The following GRIN2B variants were observed in gnomAD, a reference collection of about 807,000 sequenced individuals.
The protein encoded by GRIN2B is glutamate receptor ionotropic, NMDA 2B.
In GRIN2B, 5 loss-of-function variants were observed where a neutral mutation model predicts 114.5. The observed-to-expected ratio is 0.04, with a 90% CI of 0.02 to 0.09. The LOEUF is 0.09. GRIN2B is among the 10% of genes least tolerant of loss of function. The pLI is 1.00. For missense variants in GRIN2B, 1,108 were observed against 1,943.5 expected (o/e 0.57, Z 8.08); for synonymous variants, 787 against 745.1 (o/e 1.06, Z -0.92).
chr12:13,637,171 C>T (rs1213852479), intron 5 of GRIN2B, among the ~76,000 whole-genome samples: 1 of 152,132 alleles, frequency 6.6e-6, no homozygotes. Flanking sequence ...ATTTTATAAT[C>T]TTGTACTCAT....
chr12:13,743,369 A>G (rs910925746), intron 4 of GRIN2B, among the ~76,000 whole-genome samples: 3 of 152,136 alleles, frequency 2.0e-5, no homozygotes, highest in African/African-American at 4.8e-5. Flanking sequence ...AACACATGTG[A>G]GCACGTGTGA....
At chr12:13,608,250 G>A (rs749201922) in intron 10 of GRIN2B, among the ~76,000 whole-genome samples, 23 of 152,164 alleles carry the variant, frequency 1.5e-4, no homozygotes, top group Non-Finnish European at 3.4e-4. Context: ...CTCGGTGTGG[G>A]TACACGGCGG....
intron 2 of GRIN2B, among the ~76,000 whole-genome samples, chr12:13,939,279 G>A (rs1867189464): frequency 6.6e-6 from 1 of 152,162 alleles, no homozygotes; most frequent in Admixed American, 6.6e-5. Flanking sequence ...GATCCCCAGT[G>A]TTGGAGGTGG....
chr12:13,591,880 C>T (rs897405175), intron 10 of GRIN2B, among the ~76,000 whole-genome samples: 1 of 152,144 alleles, frequency 6.6e-6, no homozygotes, highest in Admixed American at 6.6e-5. Context: ...CAGAAATATG[C>T]TGCCCCCAAG....
Position 13,608,621 on chromosome 12 carries a change from A to G in GRIN2B, c.1992T>C (p.Ser664=). The change falls in exon 10 of 14, where the codon TCT becomes TCC. Residue 664 remains serine (S), a synonymous_variant. Transcript: ENST00000609686. ...CTCTTACCTTTTTGTCGCTCAGGCC[A>G]GAAACCTGGTCCACATATTCCTCTT... ...MIQEEYVDQV[S]GLSDKKFQRP... is the part of the protein sequence containing the mutation. 6.2e-7 allele frequency: 1 copy of G among 1,613,726 alleles called. No individual in the cohort carries two copies. Among genetic ancestry groups the G allele is most frequent in the Non-Finnish European group, 8.5e-7 (1 of 1,179,588 alleles).
intron 4 of GRIN2B, among the ~76,000 whole-genome samples, chr12:13,707,591 A>T (rs1004677251): frequency 3.9e-5 from 6 of 152,138 alleles, no homozygotes; most frequent in African/African-American, 1.4e-4. Context: ...CAACTAAATC[A>T]GGGAAATCAA....
In GRIN2B at chr12:13,909,644, A is replaced by G. The variant is rs142438626; in HGVS notation, c.-18-43418T>C. On this transcript the variant is annotated intron_variant, in intron 2 of 13. Transcript: ENST00000609686. ...CCAGCGGCCTGACGGCTGACACTTC[A>G]CTTGTCCTTAAAATGGGACAAAGAC... is the stretch of plus-strand genomic sequence containing the variant. Among the ~76,000 whole-genome samples, 569 of 152,342 alleles carry G rather than the reference A, an allele frequency of 3.7e-3. 10 individuals carry two copies. Among genetic ancestry groups the G allele is most frequent in the East Asian group, 0.026 (137 of 5,186 alleles).
At position 13,562,476 on chromosome 12, in the gene GRIN2B, C is replaced by T. The variant is rs1948557584; in HGVS notation, c.*307G>A. The stretch of plus-strand genomic sequence containing the variant: ...AGCTCTTCCACACCAGGAGGAAGCC[C>T]GCATGCAGCCCTTCCTTTCTCCGCT... On this transcript the variant is annotated 3_prime_UTR_variant, in exon 14 of 14. Transcript: ENST00000609686. The T allele has an allele frequency of 8.0e-6, 3 of 373,892 alleles. No homozygotes were observed. The highest frequency in any genetic ancestry group is 4.9e-5 in the East Asian group (1 of 20,216). The allele number at this position is 373,892 out of a possible 1,614,324, so 23.2% of individuals were successfully genotyped here.
At chr12:13,725,918 C>T (rs1356294220) in intron 4 of GRIN2B, among the ~76,000 whole-genome samples, 1 of 152,022 alleles carries the variant, frequency 6.6e-6, no homozygotes, top group African/African-American at 2.4e-5. Flanking sequence ...CTGGAGATTT[C>T]ACCAGACTGG....
chr12:13,657,024 G>A (rs1035188759), intron 5 of GRIN2B, among the ~76,000 whole-genome samples: 1 of 152,174 alleles, frequency 6.6e-6, no homozygotes, highest in Non-Finnish European at 1.5e-5. Context: ...ATCGCACCAA[G>A]TCAAGTACAG....
At chr12:13,968,628 T>G (rs1180745167) in intron 2 of GRIN2B, among the ~76,000 whole-genome samples, 1 of 152,258 alleles carries the variant, frequency 6.6e-6, no homozygotes, top group African/African-American at 2.4e-5. Flanking sequence ...GGCACCAATA[T>G]ATATCCTCTT....
At chr12:13,602,225 C>G (rs1328169355) in intron 10 of GRIN2B, among the ~76,000 whole-genome samples, 2 of 152,106 alleles carry the variant, frequency 1.3e-5, no homozygotes, top group African/African-American at 4.8e-5. Flanking sequence ...TGATCAGTAG[C>G]TCCAAGAAGA....
chr12:13,966,498 T>C (rs1867791970), intron 2 of GRIN2B, among the ~76,000 whole-genome samples: 1 of 152,240 alleles, frequency 6.6e-6, no homozygotes, highest in South Asian at 2.1e-4. Context: ...TCTGCATTTT[T>C]GTACTAAAAA....
intron 5 of GRIN2B, among the ~76,000 whole-genome samples, chr12:13,645,705 AT>A (rs761873681): frequency 6.7e-6 from 1 of 148,926 alleles, no homozygotes; most frequent in Non-Finnish European, 1.5e-5. Flanking sequence ...CTAGTTTTTC[AT>A]TTTCTTTCCC....
chr12:13,719,443 A>G (rs1565512381), intron 4 of GRIN2B, among the ~76,000 whole-genome samples: 1 of 152,058 alleles, frequency 6.6e-6, no homozygotes, highest in Non-Finnish European at 1.5e-5. Flanking sequence ...AAAGTCTCCA[A>G]TAAATTTCAA....
intron 10 of GRIN2B, among the ~76,000 whole-genome samples, chr12:13,597,798 T>C (rs1250261219): frequency 6.6e-6 from 1 of 152,242 alleles, no homozygotes; most frequent in African/African-American, 2.4e-5. Context: ...GGACAACTTC[T>C]GGTCAAGACC....
intron 3 of GRIN2B, among the ~76,000 whole-genome samples, chr12:13,800,195 C>G (rs781197808): frequency 2.6e-5 from 4 of 152,120 alleles, no homozygotes; most frequent in African/African-American, 4.8e-5. Flanking sequence ...GATGACTAAC[C>G]TACAGCTGTG....
chr12:13,563,317 G>C lies in GRIN2B; in HGVS notation c.3921C>G (p.Phe1307Leu). Residue 1307 changes from phenylalanine (F) to leucine (L), a missense_variant, in exon 14 of 14, where the codon TTC becomes TTG. By Grantham distance (22) the Phe-to-Leu change is conservative. Transcript: ENST00000609686. ...CGGCTTCTTCCTTCTGCAGGTCCAC[G>C]AAGGTGTCGTAGGAGTGCTGCCGGC... is the stretch of plus-strand genomic sequence containing the variant. ...KLRRQHSYDT[F>L]VDLQKEEAAL... The C allele has an allele frequency of 6.2e-7, 1 of 1,614,212 alleles. No homozygotes were observed.
At chr12:13,930,380 G>A (rs1338563616) in intron 2 of GRIN2B, among the ~76,000 whole-genome samples, 1 of 152,098 alleles carries the variant, frequency 6.6e-6, no homozygotes, top group Non-Finnish European at 1.5e-5. Flanking sequence ...AGAGAATGGT[G>A]GGCAGATTCA....
Sources: gnomAD v4.1 joint callset for allele counts (sites outside exome capture counted in the v4.1 genomes callset) on GRCh38, gnomAD v4.1.1 for gene constraint, MANE v1.5 for transcripts, NCBI Gene and HGNC (gene_info 2026-07-23, HGNC 2026-07-21) for gene names.